Variants in CDH2 observed in about 807,000 individuals in gnomAD.
The protein encoded by CDH2 is cadherin-2.
Under a neutral mutation model 92.0 loss-of-function variants are expected in CDH2, and 17 were observed. The ratio of observed to expected loss-of-function variants is 0.18; its 90% CI spans 0.13 to 0.28. The LOEUF (loss-of-function observed/expected upper bound fraction) is 0.28. CDH2 is among the 10% of genes least tolerant of loss of function. The pLI, the probability that CDH2 is intolerant of heterozygous loss-of-function variation, is 1.00. For missense variants in CDH2, 862 were observed against 1,133.1 expected (o/e 0.76, Z 3.44); for synonymous variants, 419 against 415.9 (o/e 1.01, Z -0.09).
Position 28,005,838 on chromosome 18 carries a change from T to C in CDH2, c.847+11A>G. The C allele has an allele frequency of 6.2e-7, 1 of 1,604,776 alleles. No individual in the cohort carries two copies. The highest frequency in any genetic ancestry group is 1.1e-5 in the South Asian group (1 of 89,234). On this transcript the variant is annotated intron_variant, in intron 6 of 15. Transcript: ENST00000269141. ...CTCAAGTCATCTTCAAATTATTATC[T>C]TTAAACTTACCAGGCTTTGATCCCT... is the stretch of plus-strand genomic sequence containing the variant.
chr18:27,944,877 A>G (rs1909231146), intron 6 of CDH2, among the ~76,000 whole-genome samples: 1 of 151,754 alleles, frequency 6.6e-6, no homozygotes, highest in Admixed American at 6.6e-5. Context: ...TGATCATGCC[A>G]CCGCACTCCA....
At chr18:28,020,746 T>C (rs1328734877) in intron 2 of CDH2, among the ~76,000 whole-genome samples, 7 of 152,036 alleles carry the variant, frequency 4.6e-5, no homozygotes, top group African/African-American at 1.7e-4. Context: ...CATAACACCA[T>C]GTTTTTGGCA....
chr18:28,024,981 AT>A (rs2013511785), intron 2 of CDH2, among the ~76,000 whole-genome samples: 1 of 152,216 alleles, frequency 6.6e-6, no homozygotes, highest in African/African-American at 2.4e-5. Context: ...AAATGATAAA[AT>A]TTATATAACT....
intron 2 of CDH2, among the ~76,000 whole-genome samples, chr18:28,048,843 T>C (rs1241173137): frequency 2.0e-5 from 3 of 152,066 alleles, no homozygotes; most frequent in African/African-American, 7.2e-5. Context: ...CATTGGGAGT[T>C]TGATTTTCAT....
intron 2 of CDH2, among the ~76,000 whole-genome samples, chr18:28,046,453 G>A (rs2014078280): frequency 1.3e-5 from 2 of 152,136 alleles, no homozygotes; most frequent in South Asian, 2.1e-4. Flanking sequence ...GATGTGGTCA[G>A]AAACCCAAAA....
intron 2 of CDH2, among the ~76,000 whole-genome samples, chr18:28,080,013 A>T (rs1374679106): frequency 6.6e-6 from 1 of 152,200 alleles, no homozygotes; most frequent in Non-Finnish European, 1.5e-5. Context: ...CTAGAGTATG[A>T]TCCAGAGACC....
chr18:28,055,925 T>C (rs2014284118), intron 2 of CDH2, among the ~76,000 whole-genome samples: 1 of 152,204 alleles, frequency 6.6e-6, no homozygotes, highest in Non-Finnish European at 1.5e-5. Flanking sequence ...TTTACTTTAC[T>C]TCCTAGGTTT....
At chr18:28,004,146 T>G (rs1451125298) in intron 6 of CDH2, among the ~76,000 whole-genome samples, 1 of 152,212 alleles carries the variant, frequency 6.6e-6, no homozygotes, top group Non-Finnish European at 1.5e-5. Context: ...ACACCCTTAT[T>G]TTTTCAAAAC....
intron 1 of CDH2, among the ~76,000 whole-genome samples, chr18:28,161,383 A>G (rs1218988957): frequency 3.3e-5 from 5 of 152,100 alleles, no homozygotes; most frequent in African/African-American, 1.2e-4. Flanking sequence ...GTTCGAGACC[A>G]GCCTGGCCAA....
At chr18:28,111,830 T>C (rs1011466526) in intron 2 of CDH2, among the ~76,000 whole-genome samples, 9 of 152,206 alleles carry the variant, frequency 5.9e-5, no homozygotes, top group African/African-American at 2.2e-4. Context: ...TAAAGTTCTA[T>C]GATTCTGTTC....
In CDH2 at chr18:28,104,667, TAAAC is replaced by T. The variant is rs560720896; in HGVS notation, c.172+43002_172+43005del. Among the ~76,000 whole-genome samples, 863 of 149,456 alleles carry T rather than the reference TAAAC, an allele frequency of 5.8e-3. 3 individuals carry two copies. Among genetic ancestry groups the T allele is most frequent in the Non-Finnish European group, 9.9e-3 (671 of 67,510 alleles). ...ATAGACAAAAAAACATTTGATTACC[TAAAC>T]ATACATATAGATGCAAATACATATC... is the stretch of plus-strand genomic sequence containing the variant. On this transcript the variant is annotated intron_variant, in intron 2 of 15. Transcript: ENST00000269141.
chr18:28,029,552 A>G (rs1393217004), intron 2 of CDH2, among the ~76,000 whole-genome samples: 1 of 152,088 alleles, frequency 6.6e-6, no homozygotes, highest in African/African-American at 2.4e-5. Flanking sequence ...CTGAATAGTT[A>G]CTGCTTCAAC....
intron 2 of CDH2, among the ~76,000 whole-genome samples, chr18:28,123,916 A>G (rs1165229199): frequency 6.6e-6 from 1 of 152,196 alleles, no homozygotes; most frequent in Non-Finnish European, 1.5e-5. Context: ...AATAGACAGC[A>G]TTCAGTTACA....
chr18:27,975,966 C>T lies in CDH2; in HGVS notation c.2349+6978G>A, dbSNP rs191439746. On this transcript the variant is annotated intron_variant, in intron 14 of 15. Transcript: ENST00000269141. ...TCAAATGCCTCTCTCTGACATCCAG[C>T]TGCTTCTCTCTTCTACCGGCTGAGT... is the stretch of plus-strand genomic sequence containing the variant. Among the ~76,000 whole-genome samples, 14 of 152,280 alleles carry T rather than the reference C, an allele frequency of 9.2e-5. No individual in the cohort carries two copies. The East Asian group carries it at 2.3e-3, about 25-fold the overall frequency.
intron 2 of CDH2, among the ~76,000 whole-genome samples, chr18:28,102,702 A>C (rs2144235779): frequency 6.6e-6 from 1 of 152,186 alleles, no homozygotes; most frequent in South Asian, 2.1e-4. Flanking sequence ...GCTTGGAGCA[A>C]ATTATTGCTA....
chr18:28,080,933 T>G (rs1322137892), intron 2 of CDH2, among the ~76,000 whole-genome samples: 2 of 152,216 alleles, frequency 1.3e-5, no homozygotes, highest in African/African-American at 2.4e-5. Context: ...TAGTTGTGCC[T>G]GAGTCAGCAC....
intron 1 of CDH2, among the ~76,000 whole-genome samples, chr18:28,157,085 G>A (rs962378656): frequency 6.6e-6 from 1 of 152,158 alleles, no homozygotes; most frequent in Non-Finnish European, 1.5e-5. Context: ...CAGGTAAAAG[G>A]CTAATACTAT....
At chr18:28,024,653 C>T (rs2144066595) in intron 2 of CDH2, among the ~76,000 whole-genome samples, 1 of 151,274 alleles carries the variant, frequency 6.6e-6, no homozygotes, top group South Asian at 2.1e-4. Context: ...TTTTGAAAAC[C>T]ATCAGTTTCT....
intron 2 of CDH2, among the ~76,000 whole-genome samples, chr18:28,051,235 CTATTT>C (rs2014184381): frequency 6.6e-6 from 1 of 152,098 alleles, no homozygotes; most frequent in African/African-American, 2.4e-5. Context: ...CGGGATTTCT[CTATTT>C]TATAGTAGTG....
Sources: allele counts gnomAD v4.1 joint callset (sites outside exome capture counted in the v4.1 genomes callset), GRCh38; gene constraint gnomAD v4.1.1; transcripts MANE v1.5; gene names NCBI Gene and HGNC (gene_info 2026-07-23, HGNC 2026-07-21).